Variants in ZFYVE28 observed in about 807,000 individuals in gnomAD.
The protein encoded by ZFYVE28 is zinc finger FYVE-type containing 28.
In ZFYVE28, 40 loss-of-function variants were observed where a neutral mutation model predicts 82.1. The observed-to-expected ratio is 0.49, with a 90% CI of 0.38 to 0.63. The LOEUF is 0.63. Ranked by LOEUF, ZFYVE28 falls within the 30% of genes least tolerant of loss-of-function variation. The probability of loss-of-function intolerance (pLI) is 0.00; values close to 1 mark genes in which losing one functional copy is unlikely to be tolerated. For missense variants in ZFYVE28, 1,321 were observed against 1,242.1 expected (o/e 1.06, Z -0.96); for synonymous variants, 612 against 546.1 (o/e 1.12, Z -1.68).
intron 1 of ZFYVE28, among the ~76,000 whole-genome samples, chr4:2,384,210 G>A (rs550197989): frequency 3.3e-4 from 50 of 152,304 alleles, no homozygotes; most frequent in African/African-American, 1.1e-3. Context: ...CGGGTACTTC[G>A]ACAAACGCTG....
At chr4:2,388,163 C>T (rs1729471362) in intron 1 of ZFYVE28, among the ~76,000 whole-genome samples, 1 of 152,222 alleles carries the variant, frequency 6.6e-6, no homozygotes, top group Admixed American at 6.5e-5. Flanking sequence ...GTTTATCCCA[C>T]GGGGCTGCTC....
rs1721559001 is a variant in ZFYVE28, at chr4:2,335,621, C to T, written c.701+84G>A. ...CACCGTGAGGTGGAGACGCCATGGA[C>T]CGGCACCCGCACGGGACCTGGCACC... On this transcript the variant is annotated intron_variant, in intron 6 of 12. Transcript: ENST00000290974. This position sits in a 1 kb window ranked among gnomAD's most constrained non-coding sequence, Gnocchi z 5.8. The T allele has an allele frequency of 3.7e-6, 5 of 1,339,448 alleles. No individual in the cohort carries two copies. Among genetic ancestry groups the T allele is most frequent in the East Asian group, 5.0e-5 (2 of 39,874 alleles). The allele number at this position is 1,339,448 out of a possible 1,614,324, so 83.0% of individuals were successfully genotyped here.
chr4:2,292,105 G>T lies in ZFYVE28; in HGVS notation c.2051+12184C>A, dbSNP rs541308135. ...GGTGCTCTGGGACACAGCATGGGGG[G>T]CTGGGAGGACACCATGCTGCAGAGC... On this transcript the variant is annotated intron_variant, in intron 8 of 12. Coordinates refer to ENST00000290974, the MANE Select transcript of ZFYVE28 (RefSeq NM_020972.3). Among the ~76,000 whole-genome samples, 3 of 152,322 alleles carry T rather than the reference G, an allele frequency of 2.0e-5. No homozygotes were observed. The South Asian group carries it at 6.2e-4, about 32-fold the overall frequency.
Position 2,355,199 on chromosome 4 carries a change from AATATATATATATATATAT to A in ZFYVE28, c.40-1144_40-1127del, listed in dbSNP as rs71167785. ...TTACAAAAGTGATGAAGTCCTTGAA[AATATATATATATATATAT>A]ATATATATATATATATATATATATA... On this transcript the variant is annotated intron_variant, in intron 1 of 12. Coordinates refer to ENST00000290974, the MANE Select transcript of ZFYVE28 (RefSeq NM_020972.3). 5.9e-4 allele frequency among the ~76,000 whole-genome samples: 29 copies of A among 48,936 alleles called. 1 individual carries two copies. The highest frequency in any genetic ancestry group is 9.2e-4 in the Non-Finnish European group (24 of 26,118). The allele number at this position is 48,936 out of a possible 152,430, so 32.1% of individuals were successfully genotyped here.
intron 2 of ZFYVE28, among the ~76,000 whole-genome samples, chr4:2,342,020 G>C (rs1488204663): frequency 2.6e-5 from 4 of 152,188 alleles, no homozygotes; most frequent in Non-Finnish European, 5.9e-5. Flanking sequence ...GCAACCGCAG[G>C]AGCCATGGGC....
Position 2,270,508 on chromosome 4 carries a change from G to T in ZFYVE28, c.*217C>A. ...CCAGGCTCCTCCGGGTCCCCTGCTG[G>T]GCAAAGCTGACCTCTTGTTGGCCCC... On this transcript the variant is annotated 3_prime_UTR_variant, in exon 13 of 13. Transcript: ENST00000290974. 1 of 666,164 alleles carries T rather than the reference G, an allele frequency of 1.5e-6. No homozygotes were observed. Among genetic ancestry groups the T allele is most frequent in the Non-Finnish European group, 2.5e-6 (1 of 402,832 alleles). 41.3% of individuals were successfully genotyped at this position (666,164 alleles called of 1,614,324 possible).
At chr4:2,271,266 G>A (rs769068427) in intron 12 of ZFYVE28, 45 bp downstream of exon 12, 18 of 1,571,368 alleles carry the variant, frequency 1.1e-5, no homozygotes, top group African/African-American at 5.4e-5. Context: ...GTCCGTGGAC[G>A]CCCTTGGATG....
intron 5 of ZFYVE28, among the ~76,000 whole-genome samples, chr4:2,336,440 C>T (rs747284990): frequency 3.3e-5 from 5 of 152,182 alleles, no homozygotes; most frequent in Non-Finnish European, 7.3e-5. Context: ...ATCTTCCAAA[C>T]ACCATAGTAC....
Position 2,363,165 on chromosome 4 carries a change from G to A in ZFYVE28, c.40-9092C>T, listed in dbSNP as rs73205414. Among the ~76,000 whole-genome samples, 653 of 152,154 alleles carry A rather than the reference G, an allele frequency of 4.3e-3. 2 individuals are homozygous for A. The highest frequency in any genetic ancestry group is 6.8e-3 in the Non-Finnish European group (464 of 67,994). On this transcript the variant is annotated intron_variant, in intron 1 of 12. Coordinates refer to ENST00000290974, the MANE Select transcript of ZFYVE28 (RefSeq NM_020972.3). The stretch of plus-strand genomic sequence containing the variant: ...TTAATCCCTCATATGACCGTTGACC[G>A]GTCACCTGTGAGAGTGGCATATATG...
intron 8 of ZFYVE28, among the ~76,000 whole-genome samples, chr4:2,274,851 C>G (rs1466853183): frequency 7.3e-6 from 1 of 137,498 alleles, no homozygotes; most frequent in Admixed American, 6.9e-5. Context: ...CCAAGGAACA[C>G]CTGGAGTCCC....
Position 2,332,888 on chromosome 4 carries a change from C to T in ZFYVE28, c.701+2817G>A, listed in dbSNP as rs886151174. 1.2e-4 allele frequency among the ~76,000 whole-genome samples: 18 copies of T among 152,166 alleles called. No individual in the cohort carries two copies. The highest frequency in any genetic ancestry group is 4.1e-4 in the African/African-American group (17 of 41,426). On this transcript the variant is annotated intron_variant, in intron 6 of 12. Coordinates refer to ENST00000290974, the MANE Select transcript of ZFYVE28 (RefSeq NM_020972.3). This position sits in a 1 kb window ranked among gnomAD's most constrained non-coding sequence, Gnocchi z 4.7. The stretch of plus-strand genomic sequence containing the variant: ...TGCACCCCACGGTTCCTCGTATCCA[C>T]AGCCTGGCTCTGTGGCTAGATGCCT...
chr4:2,390,356 G>A (rs7673371), intron 1 of ZFYVE28, among the ~76,000 whole-genome samples: 2 of 152,190 alleles, frequency 1.3e-5, no homozygotes, highest in Non-Finnish European at 2.9e-5. Flanking sequence ...TGGTCAAGCC[G>A]CTCTGTTTGT....
chr4:2,310,936 T>C (rs1390657614), intron 7 of ZFYVE28, among the ~76,000 whole-genome samples: 1 of 152,258 alleles, frequency 6.6e-6, no homozygotes, highest in East Asian at 1.9e-4. Context: ...ATGTTTTCTC[T>C]GTGGGAAGGT....
At chr4:2,364,161 C>A (rs1226090210) in intron 1 of ZFYVE28, among the ~76,000 whole-genome samples, 1 of 152,224 alleles carries the variant, frequency 6.6e-6, no homozygotes, top group Non-Finnish European at 1.5e-5. Flanking sequence ...GCACAGGGTG[C>A]CTGACGCCAG....
chr4:2,337,320 C>T (rs975899451), intron 5 of ZFYVE28, 87 bp downstream of exon 5: 23 of 1,222,872 alleles, frequency 1.9e-5, no homozygotes, highest in East Asian at 1.6e-4. Context: ...CAGCAGGTTC[C>T]CCCAGAGCTG....
At position 2,273,230 on chromosome 4, in the gene ZFYVE28, G is replaced by A. The variant is rs966800814; in HGVS notation, c.2266C>T (p.Leu756=). ...ASDLRSILKT[L]FEVMATKPET... Reference sequence around the variant, plus strand: ...GGCTTGGTGGCCATGACCTCAAACAGTGTTTTAAGAATACTTCTCAGGTCA... The same window carrying A: ...GGCTTGGTGGCCATGACCTCAAACAATGTTTTAAGAATACTTCTCAGGTCA... The change falls in exon 10 of 13, where the codon CTG becomes TTG. Residue 756 remains leucine, a synonymous_variant. Transcript: ENST00000290974. 3.1e-6 allele frequency: 5 copies of A among 1,613,748 alleles called. No homozygotes were observed. Among genetic ancestry groups the A allele is most frequent in the Admixed American group, 3.3e-5 (2 of 59,986 alleles).
chr4:2,301,269 C>T (rs1473797552), intron 8 of ZFYVE28, among the ~76,000 whole-genome samples: 1 of 152,216 alleles, frequency 6.6e-6, no homozygotes, highest in Admixed American at 6.5e-5. Flanking sequence ...ATGAATGATG[C>T]TCCCACGGTG....
chr4:2,278,370 C>T (rs1000998599), intron 8 of ZFYVE28, among the ~76,000 whole-genome samples: 1 of 151,802 alleles, frequency 6.6e-6, no homozygotes, highest in Non-Finnish European at 1.5e-5. Flanking sequence ...GCATTTTTAG[C>T]GGAGATGGGG....
chr4:2,283,104 C>CCATCCATCCATCCATA (rs1394804018), intron 8 of ZFYVE28, among the ~76,000 whole-genome samples: 6 of 151,636 alleles, frequency 4.0e-5, no homozygotes, highest in Non-Finnish European at 8.8e-5. Context: ...TAAAAGTCAT[C>CCATCCATCCATCCATA]CATCCATCCA....
Sources: gnomAD v4.1 joint callset for allele counts (sites outside exome capture counted in the v4.1 genomes callset) on GRCh38, gnomAD v4.1.1 for gene constraint, Gnocchi (gnomAD v3.1) non-coding constraint, MANE v1.5 for transcripts, NCBI Gene and HGNC (gene_info 2026-07-23, HGNC 2026-07-21) for gene names.